Variants in LARGE1 observed in about 807,000 individuals in gnomAD.
LARGE1 encodes the protein LARGE xylosyl- and glucuronyltransferase 1, also known as xylosyl- and glucuronyltransferase LARGE1.
LARGE1 carries 43 observed loss-of-function variants against 87.6 expected under a neutral mutation model. That is an observed-to-expected ratio of 0.49 (90% CI 0.38 to 0.63). The LOEUF is 0.63. Ranked by LOEUF, LARGE1 falls within the 30% of genes least tolerant of loss-of-function variation. The probability of loss-of-function intolerance (pLI) is 0.00; values close to 1 mark genes in which losing one functional copy is unlikely to be tolerated. For synonymous variants in LARGE1, 434 were observed against 394.6 expected (o/e 1.10, Z -1.18); for missense variants, 802 against 1,000.2 (o/e 0.80, Z 2.67).
the LARGE1 span, among the ~76,000 whole-genome samples, chr22:33,149,206 A>T: frequency 0.15 from 18,475 of 119,824 alleles, 1,534 homozygotes; most frequent in African/African-American, 0.28. Context: ...CCGGCTAATT[A>T]TTTTTTTAAT....
intron 6 of LARGE1, among the ~76,000 whole-genome samples, chr22:33,503,889 G>A (rs945043303): frequency 3.3e-5 from 5 of 152,110 alleles, no homozygotes; most frequent in East Asian, 1.9e-4. Context: ...CAGTCGAACC[G>A]ATGAATGGAT....
At chr22:33,435,706 T>C (rs1419073877) in intron 6 of LARGE1, among the ~76,000 whole-genome samples, 1 of 152,162 alleles carries the variant, frequency 6.6e-6, no homozygotes, top group African/African-American at 2.4e-5. Flanking sequence ...AAGGAATGAT[T>C]TTCATGGTTA....
At chr22:33,383,309 C>G (rs1056865455) in intron 8 of LARGE1, among the ~76,000 whole-genome samples, 6 of 152,132 alleles carry the variant, frequency 3.9e-5, no homozygotes, top group Non-Finnish European at 8.8e-5. Flanking sequence ...CCTGTAATCC[C>G]AGCACTTTGG....
chr22:33,862,981 C>T (rs2063976580), intron 1 of LARGE1, among the ~76,000 whole-genome samples: 1 of 152,124 alleles, frequency 6.6e-6, no homozygotes, highest in South Asian at 2.1e-4. Context: ...TATACTCTTT[C>T]ACGGATGAGA....
At chr22:33,112,388 G>C in the LARGE1 span, among the ~76,000 whole-genome samples, 7 of 152,208 alleles carry the variant, frequency 4.6e-5, no homozygotes, top group Non-Finnish European at 8.8e-5. Flanking sequence ...AGAGTTTTTA[G>C]GGGATTAAAC....
At chr22:33,363,872 C>A (rs2064477454) in intron 9 of LARGE1, among the ~76,000 whole-genome samples, 1 of 149,062 alleles carries the variant, frequency 6.7e-6, no homozygotes, top group Non-Finnish European at 1.5e-5. Flanking sequence ...GTGCAGACAG[C>A]ATGGAGATGC....
intron 11 of LARGE1, among the ~76,000 whole-genome samples, chr22:33,180,668 C>T (rs2146163994): frequency 6.6e-6 from 1 of 152,286 alleles, no homozygotes; most frequent in East Asian, 1.9e-4. Context: ...GTGGAAACAA[C>T]CTAAATATCC....
chr22:33,295,463 C>T (rs760887196), intron 12 of LARGE1, among the ~76,000 whole-genome samples: 11 of 152,190 alleles, frequency 7.2e-5, no homozygotes, highest in South Asian at 2.1e-4. Context: ...TAGTGCTAGA[C>T]GTAAGCATGG....
chr22:33,437,530 A>T (rs370190303), intron 6 of LARGE1, among the ~76,000 whole-genome samples: 2 of 152,140 alleles, frequency 1.3e-5, no homozygotes, highest in East Asian at 3.8e-4. Flanking sequence ...GTGCTTATTC[A>T]AACATTACCA....
chr22:33,394,702 CGTGTGTGTGTGTGTGTGTGTGTGT>C (rs59338001), intron 7 of LARGE1, among the ~76,000 whole-genome samples: 2 of 142,338 alleles, frequency 1.4e-5, no homozygotes, highest in Admixed American at 7.0e-5. Flanking sequence ...CTCCTGGGAG[CGTGTGTGTGTGTGTGTGTGTGTGT>C]GTGTGTGTGT....
At chr22:33,773,453 G>A (rs564356432) in intron 1 of LARGE1, among the ~76,000 whole-genome samples, 1 of 151,912 alleles carries the variant, frequency 6.6e-6, no homozygotes, top group Admixed American at 6.5e-5. Context: ...TTTGCCTTCA[G>A]AACCACTGTG....
intron 13 of LARGE1, among the ~76,000 whole-genome samples, chr22:33,280,714 C>T (rs1194373746): frequency 1.3e-5 from 2 of 152,174 alleles, no homozygotes; most frequent in African/African-American, 4.8e-5. Flanking sequence ...AGGTAGCCTC[C>T]TTCCCTGCTA....
At chr22:33,416,492 A>C (rs1308194949) in intron 7 of LARGE1, among the ~76,000 whole-genome samples, 2 of 150,682 alleles carry the variant, frequency 1.3e-5, no homozygotes, top group Admixed American at 1.3e-4. Flanking sequence ...ATTGCATTTC[A>C]CTGTCCTTAA....
At chr22:33,801,949 A>G (rs1390795876) in intron 1 of LARGE1, among the ~76,000 whole-genome samples, 1 of 151,892 alleles carries the variant, frequency 6.6e-6, no homozygotes, top group Non-Finnish European at 1.5e-5. Context: ...TGCTGTTACT[A>G]TTTTTACTAA....
In LARGE1 at chr22:33,725,257, C is replaced by T. The variant is rs16992893; in HGVS notation, c.106+36114G>A. ...GACACCCTTCTGCTACTGCATGGGG[C>T]GAGGGAAGAATCCCAGGATGTGGTC... On this transcript the variant is annotated intron_variant, in intron 2 of 14. Coordinates refer to ENST00000397394, the MANE Select transcript of LARGE1 (RefSeq NM_133642.5). Among the ~76,000 whole-genome samples the T allele has an allele frequency of 0.088, 13,415 of 152,076 alleles. 877 individuals are homozygous for T. The highest frequency in any genetic ancestry group is 0.19 in the African/African-American group (7,916 of 41,486).
chr22:33,435,902 A>T (rs1449237093), intron 6 of LARGE1, among the ~76,000 whole-genome samples: 2 of 152,228 alleles, frequency 1.3e-5, no homozygotes, highest in Non-Finnish European at 2.9e-5. Flanking sequence ...AAAACAGAAT[A>T]ATCAGCAGCT....
At chr22:33,481,327 G>T (rs1026593302) in intron 6 of LARGE1, among the ~76,000 whole-genome samples, 1 of 151,286 alleles carries the variant, frequency 6.6e-6, no homozygotes, top group Non-Finnish European at 1.5e-5. Context: ...ACTTTGTGAA[G>T]TAGAGTTTTT....
At chr22:33,645,853 C>G (rs1361274750) in intron 3 of LARGE1, among the ~76,000 whole-genome samples, 2 of 152,184 alleles carry the variant, frequency 1.3e-5, no homozygotes, top group East Asian at 3.8e-4. Context: ...CTCAGCATCA[C>G]TGGTCATCAA....
intron 2 of LARGE1, among the ~76,000 whole-genome samples, chr22:33,675,475 T>A (rs1292303781): frequency 6.6e-6 from 1 of 151,818 alleles, no homozygotes; most frequent in African/African-American, 2.4e-5. Context: ...ATATCTCTGA[T>A]TGGACAGGTA....
Sources: allele counts gnomAD v4.1 joint callset (sites outside exome capture counted in the v4.1 genomes callset), GRCh38; gene constraint gnomAD v4.1.1; transcripts MANE v1.5; gene names NCBI Gene and HGNC (gene_info 2026-07-23, HGNC 2026-07-21).